The following EPS15L1 variants were observed in gnomAD, a reference collection of about 807,000 sequenced individuals.
The protein encoded by EPS15L1 is epidermal growth factor receptor substrate 15-like 1.
A neutral mutation model predicts 117.1 loss-of-function variants in EPS15L1; 43 were observed. That is an observed-to-expected ratio of 0.37 (90% CI 0.29 to 0.47). EPS15L1 has a LOEUF of 0.47. Among genes scored for constraint, EPS15L1 ranks in the 20% least tolerant of loss-of-function variants. EPS15L1 has a pLI of 0.99. For synonymous variants in EPS15L1, 459 were observed against 470.5 expected, an observed-to-expected ratio of 0.98 and a Z score of 0.32; for missense variants, 981 against 1,164.0, an observed-to-expected ratio of 0.84 and a Z score of 2.29.
intron 15 of EPS15L1, 85 bp from the exon 16 acceptor site, chr19:16,402,570 C>G: frequency 4.7e-6 from 6 of 1,265,666 alleles, no homozygotes; most frequent in Non-Finnish European, 6.5e-6. Context: ...AACACAGGGT[C>G]TCACTCTGTC....
chr19:16,437,480 G>A (rs2092989607), intron 5 of EPS15L1, among the ~76,000 whole-genome samples: 1 of 152,230 alleles, frequency 6.6e-6, no homozygotes, highest in African/African-American at 2.4e-5. Context: ...CAGCGACTGG[G>A]AGGGGGAGAC....
chr19:16,465,637 G>A (rs2093297639), intron 1 of EPS15L1, among the ~76,000 whole-genome samples: 1 of 152,098 alleles, frequency 6.6e-6, no homozygotes, highest in African/African-American at 2.4e-5. Context: ...AGCTTTGATT[G>A]CACCACTGTA....
Position 16,417,999 on chromosome 19 carries a change from T to C in EPS15L1, c.1056A>G (p.Gln352=), listed in dbSNP as rs146251234. Reference sequence around the variant, plus strand: ...GCGGGACCATGTCCGGCGAGAGGACTTGAGGAGGGTCGATGCCTTTACTGA... The same window carrying C: ...GCGGGACCATGTCCGGCGAGAGGACCTGAGGAGGGTCGATGCCTTTACTGA... The part of the protein sequence containing the change: ...QKVSKGIDPP[Q]VLSPDMVPPS... Residue 352 remains glutamine, a synonymous_variant, in exon 11 of 24, where the codon CAA becomes CAG. Coordinates refer to ENST00000455140, the MANE Select transcript of EPS15L1 (RefSeq NM_001258374.3). 1 of 1,614,042 alleles carries C rather than the reference T, an allele frequency of 6.2e-7. No homozygotes were observed. Among genetic ancestry groups the C allele is most frequent in the Non-Finnish European group, 8.5e-7 (1 of 1,180,032 alleles).
intron 21 of EPS15L1, among the ~76,000 whole-genome samples, chr19:16,378,436 C>G (rs776445484): frequency 3.3e-5 from 5 of 152,082 alleles, no homozygotes; most frequent in Admixed American, 6.6e-5. Context: ...CGGCCCACCT[C>G]GTCCACCAGG....
chr19:16,396,181 T>C (rs1373390700), intron 16 of EPS15L1, among the ~76,000 whole-genome samples: 2 of 152,218 alleles, frequency 1.3e-5, no homozygotes, highest in Admixed American at 1.3e-4. Context: ...ACTGGTTCAT[T>C]AGTTGTGACA....
chr19:16,421,292 C>A, intron 10 of EPS15L1, 27 bp downstream of exon 10: 1 of 1,583,938 alleles, frequency 6.3e-7, no homozygotes, highest in Non-Finnish European at 8.6e-7. Context: ...CCACCCACAG[C>A]CACAACTGCC....
chr19:16,360,064 G>GT (rs71885683), intron 23 of EPS15L1, among the ~76,000 whole-genome samples: 3,137 of 139,414 alleles, frequency 0.023, 105 homozygotes, highest in African/African-American at 0.072. Context: ...AACCTTGGGT[G>GT]TTTTTTTTTT....
intron 19 of EPS15L1, among the ~76,000 whole-genome samples, chr19:16,386,439 C>T (rs1012663675): frequency 2.0e-5 from 3 of 152,158 alleles, no homozygotes; most frequent in Non-Finnish European, 2.9e-5. Context: ...CGGAATATCC[C>T]CAAAATTACA....
intron 9 of EPS15L1, 142 bp from the exon 10 acceptor site, chr19:16,421,618 G>T (rs1221602117): frequency 2.3e-6 from 2 of 867,262 alleles, no homozygotes; most frequent in African/African-American, 1.7e-5. Context: ...CAAGAGGGCA[G>T]ATGTGATCCT....
At chr19:16,386,064 A>C in intron 20 of EPS15L1, 107 bp downstream of exon 20, 2 of 871,586 alleles carry the variant, frequency 2.3e-6, no homozygotes, top group South Asian at 1.5e-5. Context: ...GACTGATGAC[A>C]CAAACACAGA....
chr19:16,423,013 C>T (rs2092833303), intron 9 of EPS15L1, among the ~76,000 whole-genome samples: 1 of 151,892 alleles, frequency 6.6e-6, no homozygotes, highest in Non-Finnish European at 1.5e-5. Context: ...TGTTGACAAC[C>T]CGAAGATGTC....
At chr19:16,413,649 C>G (rs138356793) in intron 13 of EPS15L1, 124 bp downstream of exon 13, 2 of 827,830 alleles carry the variant, frequency 2.4e-6, no homozygotes, top group Non-Finnish European at 4.0e-6. Flanking sequence ...TCTGCAGCCC[C>G]CAAGAGCTCA....
At position 16,405,715 on chromosome 19, in the gene EPS15L1, G is replaced by C. The variant is rs554318096; in HGVS notation, c.1267-966C>G. 6.6e-6 allele frequency among the ~76,000 whole-genome samples: 1 copy of C among 152,314 alleles called. No homozygotes were observed. Among genetic ancestry groups the C allele is most frequent in the East Asian group, 1.9e-4 (1 of 5,182 alleles). ...CATTTGTGCGAACGGGAAGGGGAGG[G>C]TATGTGTGGTATGCATCAACCTTTC... On this transcript the variant is annotated intron_variant, in intron 13 of 23. Transcript: ENST00000455140. This position sits in a 1 kb window ranked among gnomAD's most constrained non-coding sequence, Gnocchi z 4.0.
intron 1 of EPS15L1, among the ~76,000 whole-genome samples, chr19:16,470,505 G>GC (rs1364495984): frequency 1.0e-5 from 1 of 99,024 alleles, no homozygotes; most frequent in Admixed American, 1.5e-4. Flanking sequence ...CGCCTTCCCC[G>GC]CCCCCCACCC....
chr19:16,384,660 G>A (rs2092400176), intron 21 of EPS15L1, among the ~76,000 whole-genome samples: 1 of 152,160 alleles, frequency 6.6e-6, no homozygotes, highest in Non-Finnish European at 1.5e-5. Context: ...CTCCTCACCT[G>A]TGGATCTGTC....
In EPS15L1 at chr19:16,406,611, G is replaced by A. The variant is rs935769599; in HGVS notation, c.1267-1862C>T. Among the ~76,000 whole-genome samples, 7 of 152,304 alleles carry A rather than the reference G, an allele frequency of 4.6e-5. No individual in the cohort carries two copies. The East Asian group carries it at 5.8e-4, about 13-fold the overall frequency. ...CCTGGGCCTCAGGGTTCTAGTTAGC[G>A]CCACACTGGCTCCTTCCAGGCCACG... On this transcript the variant is annotated intron_variant, in intron 13 of 23. Transcript: ENST00000455140.
chr19:16,367,770 A>C (rs1212767669), intron 22 of EPS15L1, among the ~76,000 whole-genome samples: 1 of 151,170 alleles, frequency 6.6e-6, no homozygotes, highest in South Asian at 2.1e-4. Flanking sequence ...AAAAAAAAAA[A>C]AACCCAAAAA....
chr19:16,420,325 C>G (rs1270365392), intron 10 of EPS15L1, among the ~76,000 whole-genome samples: 1 of 152,204 alleles, frequency 6.6e-6, no homozygotes, highest in African/African-American at 2.4e-5. Flanking sequence ...TCTACTGACC[C>G]CTAGACATGA....
At chr19:16,380,874 C>T (rs1051346644) in intron 21 of EPS15L1, among the ~76,000 whole-genome samples, 2 of 152,206 alleles carry the variant, frequency 1.3e-5, no homozygotes, top group Non-Finnish European at 2.9e-5. Flanking sequence ...TACAGAGATG[C>T]ATCGATCTGG....
Sources: gnomAD v4.1 joint callset for allele counts (sites outside exome capture counted in the v4.1 genomes callset) on GRCh38, gnomAD v4.1.1 for gene constraint, Gnocchi (gnomAD v3.1) non-coding constraint, MANE v1.5 for transcripts, NCBI Gene and HGNC (gene_info 2026-07-23, HGNC 2026-07-21) for gene names.